The following PDE5A variants were observed in gnomAD, a reference collection of about 807,000 sequenced individuals.
PDE5A encodes the protein phosphodiesterase 5A.
A neutral mutation model predicts 110.2 loss-of-function variants in PDE5A; 67 were observed. That is an observed-to-expected ratio of 0.61 (90% CI 0.50 to 0.75). The LOEUF (loss-of-function observed/expected upper bound fraction) is 0.75. Ranked by LOEUF, PDE5A falls within the 30% of genes least tolerant of loss-of-function variation. PDE5A has a pLI of 0.00. For synonymous variants in PDE5A, 328 were observed against 351.2 expected (o/e 0.93, Z 0.74); for missense variants, 862 against 1,045.1 (o/e 0.82, Z 2.42).
chr4:119,588,193 C>T (rs1226983057), intron 3 of PDE5A, among the ~76,000 whole-genome samples: 4 of 131,160 alleles, frequency 3.0e-5, no homozygotes, highest in Non-Finnish European at 6.3e-5. Flanking sequence ...TTTTTTGAGA[C>T]GGAGTCTCAC....
At chr4:119,562,262 C>T (rs1727768955) in intron 6 of PDE5A, among the ~76,000 whole-genome samples, 1 of 152,198 alleles carries the variant, frequency 6.6e-6, no homozygotes, top group Admixed American at 6.5e-5. Context: ...GAAAATGTTT[C>T]TTCACATTAC....
chr4:119,588,933 A>G (rs928518656), intron 3 of PDE5A, among the ~76,000 whole-genome samples: 2 of 152,256 alleles, frequency 1.3e-5, no homozygotes, highest in African/African-American at 4.8e-5. Context: ...AATTGCAAGT[A>G]TATCACTAAG....
chr4:119,582,924 T>A (rs976455956), intron 3 of PDE5A, among the ~76,000 whole-genome samples: 2 of 152,184 alleles, frequency 1.3e-5, no homozygotes, highest in Non-Finnish European at 2.9e-5. Context: ...GAGGACAGGC[T>A]GAGTTGAATT....
At position 119,628,592 on chromosome 4, in the gene PDE5A, T is replaced by C; in HGVS notation, c.80A>G (p.Gln27Arg). 6.2e-7 allele frequency: 1 copy of C among 1,613,798 alleles called. No homozygotes were observed. Among genetic ancestry groups the C allele is most frequent in the Non-Finnish European group, 8.5e-7 (1 of 1,179,842 alleles). ...GTCCAGCCATGCTTCGACCGAGTCC[T>C]GATCCCTCTGCTGCTGCTTCTGCTG... The part of the protein sequence containing the change: ...PQQQKQQQRD[Q>R]DSVEAWLDDH... The change falls in exon 1 of 21, where the codon CAG (glutamine) becomes CGG (arginine). Residue 27 changes from glutamine (Q) to arginine (R), a missense_variant. Coordinates refer to ENST00000354960, the MANE Select transcript of PDE5A (RefSeq NM_001083.4).
chr4:119,576,278 C>T (rs146743180), intron 3 of PDE5A, among the ~76,000 whole-genome samples: 74,978 of 151,656 alleles, frequency 0.49, 18,690 homozygotes, highest in South Asian at 0.64. Flanking sequence ...GACAGATGAA[C>T]GAGACAGAGA....
intron 11 of PDE5A, among the ~76,000 whole-genome samples, chr4:119,527,902 A>C (rs1173602354): frequency 6.6e-6 from 1 of 152,112 alleles, no homozygotes; most frequent in Admixed American, 6.6e-5. Context: ...GATACCACCT[A>C]ATACCACCCA....
Position 119,596,609 on chromosome 4 carries a change from G to A in PDE5A, c.745C>T (p.Pro249Ser), listed in dbSNP as rs1729160572. ...TGGTCAACTTCTGCATTGAACCGAGGATCCTAGTATGGAAAAAGAAATTCA... is the reference window on the plus strand; with the variant it reads ...TGGTCAACTTCTGCATTGAACCGAGAATCCTAGTATGGAAAAAGAAATTCA... ...PLNIKDAYEDPRFNAEVDQIT... is the reference protein window; with the variant it reads ...PLNIKDAYEDSRFNAEVDQIT... Residue 249 changes from proline to serine, a missense_variant, in exon 3 of 21, where the codon CCT becomes TCT. Transcript: ENST00000354960. The A allele has an allele frequency of 6.4e-7, 1 of 1,566,346 alleles. No homozygotes were observed. Among genetic ancestry groups the A allele is most frequent in the Non-Finnish European group, 8.7e-7 (1 of 1,147,998 alleles).
At position 119,495,014 on chromosome 4, in the gene PDE5A, A is replaced by C. The variant is rs570624893; in HGVS notation, c.*3587T>G. ...CACATGGAAAAAATAAACTATATAC[A>C]AGAATACAAAACTCCTAAAGTGTTC... is the stretch of plus-strand genomic sequence containing the variant. On this transcript the variant is annotated 3_prime_UTR_variant, in exon 21 of 21. Coordinates refer to ENST00000354960, the MANE Select transcript of PDE5A (RefSeq NM_001083.4). 1 of 152,722 alleles carries C rather than the reference A, an allele frequency of 6.5e-6. No homozygotes were observed. The highest frequency in any genetic ancestry group is 2.1e-4 in the South Asian group (1 of 4,828). 9.5% of individuals were successfully genotyped at this position (152,722 alleles called of 1,614,324 possible).
chr4:119,511,641 A>C (rs1047484771), intron 14 of PDE5A, among the ~76,000 whole-genome samples: 9 of 152,096 alleles, frequency 5.9e-5, no homozygotes, highest in African/African-American at 2.2e-4. Flanking sequence ...GATGAAAGGC[A>C]AGAAAAAGAG....
intron 3 of PDE5A, among the ~76,000 whole-genome samples, chr4:119,574,140 A>G (rs1728238095): frequency 6.8e-6 from 1 of 147,462 alleles, no homozygotes; most frequent in South Asian, 2.2e-4. Context: ...ACTACTCCCC[A>G]CAGGAAAAAG....
chr4:119,547,312 T>G lies in PDE5A; in HGVS notation c.1397-4678A>C, dbSNP rs569784190. ...TCTGTACTTACATTCCCTCTCTCAT[T>G]ACTATTTGTGTTTCTCTCTTAATAT... On this transcript the variant is annotated intron_variant, in intron 9 of 20. Coordinates refer to ENST00000354960, the MANE Select transcript of PDE5A (RefSeq NM_001083.4). Among the ~76,000 whole-genome samples the G allele has an allele frequency of 3.3e-5, 5 of 151,960 alleles. No homozygotes were observed. The East Asian group carries it at 9.6e-4, about 29-fold the overall frequency.
chr4:119,606,649 C>G (rs1053901227), intron 2 of PDE5A, 60 bp downstream of exon 2: 1 of 1,217,460 alleles, frequency 8.2e-7, no homozygotes. Flanking sequence ...AGCCATAGTA[C>G]CCGCCCCAGC....
At chr4:119,503,939 T>G (rs1578723132) in intron 18 of PDE5A, among the ~76,000 whole-genome samples, 1 of 138,842 alleles carries the variant, frequency 7.2e-6, no homozygotes, top group South Asian at 2.2e-4. Context: ...GAGTAAAAAC[T>G]TACTTAAAAA....
At chr4:119,607,724 G>A (rs549440556) in intron 1 of PDE5A, among the ~76,000 whole-genome samples, 3 of 151,976 alleles carry the variant, frequency 2.0e-5, no homozygotes, top group Non-Finnish European at 2.9e-5. Flanking sequence ...CAGCCTGGGT[G>A]ACAAAGTGAG....
intron 1 of PDE5A, among the ~76,000 whole-genome samples, chr4:119,616,408 G>A (rs751295965): frequency 5.3e-5 from 8 of 152,008 alleles, no homozygotes; most frequent in South Asian, 2.1e-4. Flanking sequence ...TCTTACTCTC[G>A]AAACTCTTTA....
chr4:119,581,909 C>A (rs1276710816), intron 3 of PDE5A, among the ~76,000 whole-genome samples: 1 of 152,180 alleles, frequency 6.6e-6, no homozygotes, highest in Non-Finnish European at 1.5e-5. Context: ...AAAATGGTAA[C>A]AATCACCTTA....
chr4:119,545,499 A>C (rs991127518), intron 9 of PDE5A, among the ~76,000 whole-genome samples: 1 of 152,220 alleles, frequency 6.6e-6, no homozygotes, highest in African/African-American at 2.4e-5. Context: ...AAAATAAAAC[A>C]ACATTCAAAA....
At chr4:119,620,621 A>G (rs1190705095) in intron 1 of PDE5A, among the ~76,000 whole-genome samples, 2 of 152,132 alleles carry the variant, frequency 1.3e-5, no homozygotes, top group African/African-American at 4.8e-5. Context: ...CAAAACAAGT[A>G]TGTTTTGAAG....
rs779949892 is a variant in PDE5A, at chr4:119,596,627, G to T, written c.742-15C>A. On this transcript the variant is annotated splice_polypyrimidine_tract_variant and intron_variant, in intron 2 of 20. Transcript: ENST00000354960. ...AACCGAGGATCCTAGTATGGAAAAAGAAATTCAATTTAATGACTGACCTGT... is the reference window on the plus strand; with the variant it reads ...AACCGAGGATCCTAGTATGGAAAAATAAATTCAATTTAATGACTGACCTGT... 4.1e-6 allele frequency: 6 copies of T among 1,462,918 alleles called. No individual in the cohort carries two copies. The South Asian group carries it at 4.9e-5, about 12-fold the overall frequency. 90.6% of individuals were successfully genotyped at this position (1,462,918 alleles called of 1,614,324 possible). A position where few individuals can be genotyped will look rare whatever the true frequency, so the allele number is the denominator to read the frequency against.
Sources: gnomAD v4.1 joint callset for allele counts (sites outside exome capture counted in the v4.1 genomes callset) on GRCh38, gnomAD v4.1.1 for gene constraint, MANE v1.5 for transcripts, NCBI Gene and HGNC (gene_info 2026-07-23, HGNC 2026-07-21) for gene names.